Variants in INTS2 observed in about 807,000 individuals in gnomAD.
INTS2 encodes the protein KIAA1287.
INTS2 carries 57 observed loss-of-function variants against 139.6 expected under a neutral mutation model. The ratio of observed to expected loss-of-function variants is 0.41; its 90% CI spans 0.33 to 0.51. The LOEUF (loss-of-function observed/expected upper bound fraction) is 0.51. INTS2 is among the 20% of genes least tolerant of loss of function. INTS2 has a pLI of 0.28. For missense variants in INTS2, 1,196 were observed against 1,436.7 expected (o/e 0.83, Z 2.71); for synonymous variants, 473 against 493.4 (o/e 0.96, Z 0.55).
intron 7 of INTS2, chr17:61,911,236 G>A: frequency 2.4e-6 from 1 of 408,248 alleles, no homozygotes; most frequent in Non-Finnish European, 4.3e-6. Flanking sequence ...TAGGACTATA[G>A]GCACATACCA....
In INTS2 at chr17:61,897,331, A is replaced by G. The variant is rs1002781909; in HGVS notation, c.1494+138T>C. The G allele has an allele frequency of 1.2e-5, 7 of 567,768 alleles. No individual in the cohort carries two copies. Among genetic ancestry groups the G allele is most frequent in the East Asian group, 9.1e-5 (3 of 33,004 alleles). 35.2% of individuals were successfully genotyped at this position (567,768 alleles called of 1,614,324 possible). On this transcript the variant is annotated intron_variant, in intron 11 of 24. Coordinates refer to ENST00000251334, the MANE Select transcript of INTS2 (RefSeq NM_001351695.2). This position sits in a 1 kb window ranked among gnomAD's most constrained non-coding sequence, Gnocchi z 4.4. ...TTAGTAAATACAGGTTTCAAAATGCATTTTTCTAAGCGCTCTTGATAAAAC... is the reference window on the plus strand; with the variant it reads ...TTAGTAAATACAGGTTTCAAAATGCGTTTTTCTAAGCGCTCTTGATAAAAC...
chr17:61,878,167 A>G, intron 17 of INTS2, 79 bp from the exon 18 acceptor site: 1 of 834,622 alleles, frequency 1.2e-6, no homozygotes, highest in East Asian at 2.5e-5. Context: ...CTCTCAGACT[A>G]TAGACCAAAC....
intron 15 of INTS2, among the ~76,000 whole-genome samples, chr17:61,887,369 G>A (rs1415832606): frequency 6.6e-6 from 1 of 151,802 alleles, no homozygotes; most frequent in Admixed American, 6.6e-5. Flanking sequence ...TGTAATCCCA[G>A]CTACTCAGGA....
chr17:61,903,174 G>GAAAAAAA (rs551514700), intron 9 of INTS2, among the ~76,000 whole-genome samples: 6 of 59,956 alleles, frequency 1.0e-4, no homozygotes, highest in East Asian at 4.0e-4. Context: ...CTCAAAAAAG[G>GAAAAAAA]AAAAAAAAAA....
At chr17:61,891,434 A>C in intron 14 of INTS2, 79 bp downstream of exon 14, 1 of 1,091,282 alleles carries the variant, frequency 9.2e-7, no homozygotes. Context: ...GTCCTCTGAT[A>C]GGAAAATAAA....
chr17:61,874,863 C>A, intron 19 of INTS2, 50 bp downstream of exon 19: 1 of 1,360,086 alleles, frequency 7.4e-7, no homozygotes, highest in Non-Finnish European at 9.7e-7. Flanking sequence ...TTTCTTTTGA[C>A]TCTCCAAAGT....
rs1491204092 is a variant in INTS2, at chr17:61,909,822, T to TGTGTAC, written c.954+1697_954+1698insGTACAC. On this transcript the variant is annotated intron_variant, in intron 7 of 24. Coordinates refer to ENST00000251334, the MANE Select transcript of INTS2 (RefSeq NM_001351695.2). The surrounding 1 kb of genome is among the most constrained non-coding windows in gnomAD (Gnocchi z 4.9). ...ATATACGTGTGTGTGTACATGTGTG[T>TGTGTAC]ATGTGTGTGTGTGTGTGTGTGTGTG... Among the ~76,000 whole-genome samples the TGTGTAC allele has an allele frequency of 6.7e-3, 425 of 63,728 alleles. 2 individuals are homozygous for TGTGTAC. The highest frequency in any genetic ancestry group is 0.023 in the African/African-American group (402 of 17,166). The allele number at this position is 63,728 out of a possible 152,430, so 41.8% of individuals were successfully genotyped here.
intron 18 of INTS2, 117 bp downstream of exon 18, chr17:61,877,770 T>C (rs865924969): frequency 1.0e-5 from 7 of 689,554 alleles, no homozygotes; most frequent in Middle Eastern, 5.2e-4. Context: ...TATTGTCATA[T>C]AGTCAACAAA....
intron 15 of INTS2, among the ~76,000 whole-genome samples, chr17:61,889,276 G>T (rs954259298): frequency 3.8e-5 from 5 of 132,918 alleles, no homozygotes; most frequent in African/African-American, 1.3e-4. Context: ...TAGTAGAGAC[G>T]GGGTTTCGCC....
intron 8 of INTS2, 113 bp from the exon 9 acceptor site, chr17:61,904,698 T>C (rs2079443165): frequency 2.3e-6 from 2 of 884,146 alleles, no homozygotes; most frequent in Non-Finnish European, 3.4e-6. Context: ...ATCTTGCTAT[T>C]TATAAAATCT....
At position 61,919,511 on chromosome 17, in the gene INTS2, GCT is replaced by G; in HGVS notation, c.536_537del (p.Glu179AlafsTer9). 1 of 1,541,432 alleles carries G rather than the reference GCT, an allele frequency of 6.5e-7. No individual in the cohort carries two copies. Among genetic ancestry groups the G allele is most frequent in the Non-Finnish European group, 8.9e-7 (1 of 1,125,298 alleles). On this transcript the variant is annotated frameshift_variant and splice_region_variant, in exon 5 of 25. Transcript: ENST00000251334. LOFTEE classifies it high-confidence loss of function. ...TCAACTATAGGGAGCAAGGAAGGGA[GCT>G]CTACAAGAAAACAAAGTCAGTGTTA... The part of the protein sequence containing the change: ...AADVLCILQA[E>X]LPSLLPIVDV...
chr17:61,872,084 A>T lies in INTS2; in HGVS notation c.2778+181T>A. ...ATGAAGATTATTCCTGATTTCAGAA[A>T]TACAACATATCTGATACTCAGAAGC... On this transcript the variant is annotated intron_variant, in intron 20 of 24. Transcript: ENST00000251334. This position sits in a 1 kb window ranked among gnomAD's most constrained non-coding sequence, Gnocchi z 4.8. 1 of 421,092 alleles carries T rather than the reference A, an allele frequency of 2.4e-6. No individual in the cohort carries two copies. The highest frequency in any genetic ancestry group is 4.2e-6 in the Non-Finnish European group (1 of 236,530). The allele number at this position is 421,092 out of a possible 1,614,324, so 26.1% of individuals were successfully genotyped here.
Position 61,875,129 on chromosome 17 carries a change from C to G in INTS2, c.2457-91G>C, listed in dbSNP as rs941413700. 3.3e-6 allele frequency: 3 copies of G among 917,406 alleles called. No homozygotes were observed. The highest frequency in any genetic ancestry group is 2.5e-4 in the Middle Eastern group (1 of 3,938). The allele number at this position is 917,406 out of a possible 1,614,324, so 56.8% of individuals were successfully genotyped here. A position where few individuals can be genotyped will look rare whatever the true frequency, so the allele number is the denominator to read the frequency against. ...CCTTTCTATCTTAGAAAGTTATATT[C>G]AGTAAATAATTAGAAAATACATATG... On this transcript the variant is annotated intron_variant, in intron 18 of 24. Coordinates refer to ENST00000251334, the MANE Select transcript of INTS2 (RefSeq NM_001351695.2). This position sits in a 1 kb window ranked among gnomAD's most constrained non-coding sequence, Gnocchi z 4.6.
chr17:61,880,037 T>C (rs2079163939), intron 17 of INTS2, among the ~76,000 whole-genome samples: 1 of 152,048 alleles, frequency 6.6e-6, no homozygotes, highest in Non-Finnish European at 1.5e-5. Flanking sequence ...CATAGTCCTA[T>C]TCCACTGCAC....
chr17:61,881,969 T>C (rs2079182311), intron 16 of INTS2, among the ~76,000 whole-genome samples: 1 of 152,150 alleles, frequency 6.6e-6, no homozygotes, highest in African/African-American at 2.4e-5. Context: ...GAATGTCCAT[T>C]TGGGGACTAT....
chr17:61,880,980 TA>T, intron 17 of INTS2, 26 bp downstream of exon 17: 1 of 1,576,862 alleles, frequency 6.3e-7, no homozygotes, highest in Non-Finnish European at 8.7e-7. Flanking sequence ...CAAAAGGGGT[TA>T]AAGGAGTATC....
At chr17:61,892,497 T>TA (rs2079304975) in intron 13 of INTS2, among the ~76,000 whole-genome samples, 1 of 152,116 alleles carries the variant, frequency 6.6e-6, no homozygotes, top group Admixed American at 6.6e-5. Flanking sequence ...CCCCAATTTG[T>TA]AAAACAAAAC....
chr17:61,912,140 GA>G, intron 5 of INTS2, 70 bp from the exon 6 acceptor site: 1 of 1,513,964 alleles, frequency 6.6e-7, no homozygotes, highest in Non-Finnish European at 9.0e-7. Flanking sequence ...CATGACAGAA[GA>G]AAAGGATCAG....
At chr17:61,885,106 T>A in intron 15 of INTS2, 101 bp from the exon 16 acceptor site, 1 of 742,852 alleles carries the variant, frequency 1.3e-6, no homozygotes, top group Non-Finnish European at 2.2e-6. Context: ...AAATTACTTT[T>A]AATGCAATTA....
Sources: gnomAD v4.1 joint callset for allele counts (sites outside exome capture counted in the v4.1 genomes callset) on GRCh38, gnomAD v4.1.1 for gene constraint, Gnocchi (gnomAD v3.1) non-coding constraint, MANE v1.5 for transcripts, NCBI Gene and HGNC (gene_info 2026-07-23, HGNC 2026-07-21) for gene names.